Variants in TNFRSF10B observed in about 807,000 individuals in gnomAD.
TNFRSF10B encodes the protein TNF receptor superfamily member 10b.
TNFRSF10B carries 35 observed loss-of-function variants against 41.4 expected under a neutral mutation model. The ratio of observed to expected loss-of-function variants is 0.85; its 90% CI spans 0.65 to 1.12. The LOEUF (loss-of-function observed/expected upper bound fraction) is 1.12, where lower values mean the gene tolerates loss of function less well. Ranked by LOEUF, TNFRSF10B falls within the 50% of genes most tolerant of loss-of-function variation. The pLI, the probability that TNFRSF10B is intolerant of heterozygous loss-of-function variation, is 0.00. For synonymous variants in TNFRSF10B, 230 were observed against 215.5 expected, an observed-to-expected ratio of 1.07 and a Z score of -0.59; for missense variants, 584 against 552.7, an observed-to-expected ratio of 1.06 and a Z score of -0.57.
chr8:23,066,043 G>A (rs1303319590), intron 1 of TNFRSF10B, among the ~76,000 whole-genome samples: 1 of 152,208 alleles, frequency 6.6e-6, no homozygotes, highest in African/African-American at 2.4e-5. Context: ...AATACTTTGG[G>A]AGGACAAGGT....
At position 23,022,949 on chromosome 8, in the gene TNFRSF10B, C is replaced by G; in HGVS notation, c.1045G>C (p.Val349Leu). The G allele has an allele frequency of 6.2e-7, 1 of 1,613,640 alleles. No individual in the cohort carries two copies. Among genetic ancestry groups the G allele is most frequent in the Non-Finnish European group, 8.5e-7 (1 of 1,180,020 alleles). ...AGCGGCTCCCAGGAGTCAAAGGGCACCAAGTCTGCAAAGTCATCGAAGCAC... is the reference window on the plus strand; with the variant it reads ...AGCGGCTCCCAGGAGTCAAAGGGCAGCAAGTCTGCAAAGTCATCGAAGCAC... ...RQCFDDFADL[V>L]PFDSWEPLMR... Residue 349 changes from valine to leucine, a missense_variant, in exon 9 of 9, where the codon GTG (valine) becomes CTG (leucine). Coordinates refer to ENST00000276431, the MANE Select transcript of TNFRSF10B (RefSeq NM_003842.5).
chr8:23,058,642 T>G (rs1347258829), intron 1 of TNFRSF10B, among the ~76,000 whole-genome samples: 2 of 152,032 alleles, frequency 1.3e-5, no homozygotes, highest in Non-Finnish European at 2.9e-5. Context: ...TGCATCACAA[T>G]GCCCAGCTAA....
At position 23,043,185 on chromosome 8, in the gene TNFRSF10B, G is replaced by T; in HGVS notation, c.203C>A (p.Ala68Asp). Reference protein sequence around the residue: ...QQDLAPQQRAAPQQKRSSPSE... With the variant: ...QQDLAPQQRADPQQKRSSPSE... Reference sequence around the variant, plus strand: ...GGGGCTGGACCTCTTTTGTTGTGGGGCCGCTCTCTGCTGGGGAGCTAGGTC... The same window carrying T: ...GGGGCTGGACCTCTTTTGTTGTGGGTCCGCTCTCTGCTGGGGAGCTAGGTC... The change falls in exon 2 of 9, where the codon GCC becomes GAC. Residue 68 changes from alanine to aspartate, a missense_variant. Transcript: ENST00000276431. The T allele has an allele frequency of 6.2e-7, 1 of 1,614,136 alleles. No homozygotes were observed. The highest frequency in any genetic ancestry group is 2.2e-5 in the East Asian group (1 of 44,860).
chr8:23,060,942 T>C lies in TNFRSF10B; in HGVS notation c.144+7809A>G, dbSNP rs1276195456. Among the ~76,000 whole-genome samples, 4 of 152,302 alleles carry C rather than the reference T, an allele frequency of 2.6e-5. No individual in the cohort carries two copies. The East Asian group carries it at 7.7e-4, about 29-fold the overall frequency. ...TTTTGAATTGTTCATTGGTAGTGTA[T>C]AGAAATGCAATTGACTTTTCCAGTT... On this transcript the variant is annotated intron_variant, in intron 1 of 8. Transcript: ENST00000276431.
intron 1 of TNFRSF10B, among the ~76,000 whole-genome samples, 153 bp downstream of exon 1, chr8:23,068,598 T>G (rs2128823476): frequency 6.6e-6 from 1 of 152,118 alleles, no homozygotes; most frequent in African/African-American, 2.4e-5. Flanking sequence ...GACCCATCTC[T>G]TCCCCCGACT....
intron 2 of TNFRSF10B, among the ~76,000 whole-genome samples, chr8:23,031,505 C>T (rs966389914): frequency 4.6e-5 from 7 of 151,904 alleles, no homozygotes; most frequent in African/African-American, 1.5e-4. Flanking sequence ...CCTCTCCCCC[C>T]GACCCACAAA....
rs187912911 is a variant in TNFRSF10B at position 23,036,976 on chromosome 8, G to T, written c.251-6104C>A. The stretch of plus-strand genomic sequence containing the variant: ...GCTGTGGTCAATGATTTGGCTGGAG[G>T]GTCAGAGGCTCTGAAGGAAAACTGA... On this transcript the variant is annotated intron_variant, in intron 2 of 8. Coordinates refer to ENST00000276431, the MANE Select transcript of TNFRSF10B (RefSeq NM_003842.5). Among the ~76,000 whole-genome samples, 16 of 152,284 alleles carry T rather than the reference G, an allele frequency of 1.1e-4. No individual in the cohort carries two copies. In the East Asian group the frequency reaches 2.9e-3, roughly 28 times the overall value.
At position 23,021,551 on chromosome 8, in the gene TNFRSF10B, A is replaced by T. The variant is rs192677235; in HGVS notation, c.*1120T>A. The T allele has an allele frequency of 1.1e-5, 5 of 454,114 alleles. No individual in the cohort carries two copies. The East Asian group carries it at 3.5e-4, about 32-fold the overall frequency. 28.1% of individuals were successfully genotyped at this position (454,114 alleles called of 1,614,324 possible). On this transcript the variant is annotated 3_prime_UTR_variant, in exon 9 of 9. Coordinates refer to ENST00000276431, the MANE Select transcript of TNFRSF10B (RefSeq NM_003842.5). Reference sequence around the variant, plus strand: ...GGGATATGACATAGACCCTATTGTTATGTGTGATCTAACCCATCTGCCTCT... The same window carrying T: ...GGGATATGACATAGACCCTATTGTTTTGTGTGATCTAACCCATCTGCCTCT...
At chr8:23,041,193 G>C (rs1428364285) in intron 2 of TNFRSF10B, among the ~76,000 whole-genome samples, 1 of 151,812 alleles carries the variant, frequency 6.6e-6, no homozygotes, top group Admixed American at 6.6e-5. Context: ...CAAGTAGCTG[G>C]GACTACAGGC....
At chr8:23,034,772 C>T (rs1301250892) in intron 2 of TNFRSF10B, among the ~76,000 whole-genome samples, 1 of 152,238 alleles carries the variant, frequency 6.6e-6, no homozygotes, top group Non-Finnish European at 1.5e-5. Context: ...GGAGGGATTG[C>T]AGAGATCATT....
chr8:23,048,855 G>A (rs898360017), intron 1 of TNFRSF10B, among the ~76,000 whole-genome samples: 1 of 152,124 alleles, frequency 6.6e-6, no homozygotes, highest in African/African-American at 2.4e-5. Flanking sequence ...TCCTGCCTCA[G>A]CCTCTCAAAG....
Position 23,021,050 on chromosome 8 carries a change from C to T in TNFRSF10B, c.*1621G>A, listed in dbSNP as rs892936016. The T allele has an allele frequency of 2.0e-5, 9 of 453,966 alleles. No individual in the cohort carries two copies. Among genetic ancestry groups the T allele is most frequent in the African/African-American group, 1.2e-4 (6 of 49,992 alleles). The allele number at this position is 453,966 out of a possible 1,614,324, so 28.1% of individuals were successfully genotyped here. ...AACTTTGTCCCACCCAAACCAGTCC[C>T]GGAACAAAACACACAATGCCTTGAG... On this transcript the variant is annotated 3_prime_UTR_variant, in exon 9 of 9. Coordinates refer to ENST00000276431, the MANE Select transcript of TNFRSF10B (RefSeq NM_003842.5).
At chr8:23,023,184 C>A (rs1007184537) in intron 8 of TNFRSF10B, among the ~76,000 whole-genome samples, 200 bp from the exon 9 acceptor site, 6 of 140,168 alleles carry the variant, frequency 4.3e-5, no homozygotes, top group African/African-American at 1.3e-4. Context: ...CAAGGCACTG[C>A]GGGGAGTCAA....
chr8:23,057,668 G>A (rs1234253590), intron 1 of TNFRSF10B, among the ~76,000 whole-genome samples: 1 of 150,746 alleles, frequency 6.6e-6, no homozygotes, highest in Non-Finnish European at 1.5e-5. Context: ...CTGACCTCAG[G>A]TGAATCCGCC....
intron 2 of TNFRSF10B, among the ~76,000 whole-genome samples, chr8:23,038,393 A>G (rs1812081045): frequency 6.6e-6 from 1 of 152,198 alleles, no homozygotes. Flanking sequence ...TCTTATAAAT[A>G]CCAGCTACAA....
intron 2 of TNFRSF10B, among the ~76,000 whole-genome samples, chr8:23,035,699 T>C (rs1812012361): frequency 6.6e-6 from 1 of 152,178 alleles, no homozygotes; most frequent in African/African-American, 2.4e-5. Flanking sequence ...ATTCCTTCTC[T>C]TCTAAGATAT....
rs184681902 is a variant in TNFRSF10B, at chr8:23,029,610, C to A, written c.476G>T (p.Gly159Val). 3.6e-5 allele frequency: 58 copies of A among 1,608,746 alleles called. No individual in the cohort carries two copies. In the East Asian group the frequency reaches 1.2e-3, roughly 35 times the overall value. Residue 159 changes from glycine (G) to valine (V), a missense_variant and splice_region_variant, in exon 4 of 9, where the codon GGG becomes GTG. By Grantham distance (109) the Gly-to-Val change is moderately radical. Coordinates refer to ENST00000276431, the MANE Select transcript of TNFRSF10B (RefSeq NM_003842.5). ...SPEMCRKCRT[G>V]CPRGMVKVGD... ...TGGGAGCCCCCGGCTCCTGTCTCAC[C>A]CTGTGCGGCACTTCCGGCACATCTC...
chr8:23,023,979 G>C (rs1226848667), intron 8 of TNFRSF10B, among the ~76,000 whole-genome samples: 1 of 152,068 alleles, frequency 6.6e-6, no homozygotes, highest in Non-Finnish European at 1.5e-5. Flanking sequence ...AGAGTCATTA[G>C]GGTCAATGAT....
At chr8:23,042,782 G>A (rs1324765481) in intron 2 of TNFRSF10B, 1 of 198,852 alleles carries the variant, frequency 5.0e-6, no homozygotes, top group African/African-American at 2.3e-5. Flanking sequence ...CTTGCCCCCT[G>A]GCAATTGTTC....
Sources: gnomAD v4.1 joint callset for allele counts (sites outside exome capture counted in the v4.1 genomes callset) on GRCh38, gnomAD v4.1.1 for gene constraint, MANE v1.5 for transcripts, NCBI Gene and HGNC (gene_info 2026-07-23, HGNC 2026-07-21) for gene names.